Variants in XKR9 observed in about 807,000 individuals in gnomAD.
The protein encoded by XKR9 is XK-related protein 9.
XKR9 carries 32 observed loss-of-function variants against 32.0 expected under a neutral mutation model. The observed-to-expected ratio is 1.00, with a 90% CI of 0.76 to 1.34. The LOEUF (loss-of-function observed/expected upper bound fraction) is 1.34. Ranked by LOEUF, XKR9 falls within the 40% of genes most tolerant of loss-of-function variation. The pLI is 0.00. For synonymous variants in XKR9, 168 were observed against 143.4 expected, an observed-to-expected ratio of 1.17 and a Z score of -1.22; for missense variants, 546 against 429.7, an observed-to-expected ratio of 1.27 and a Z score of -2.39.
intron 3 of XKR9, among the ~76,000 whole-genome samples, chr8:70,706,644 G>A (rs985379784): frequency 2.9e-4 from 44 of 152,140 alleles, no homozygotes; most frequent in Middle Eastern, 3.4e-3. Context: ...TCTGTGAAAT[G>A]GAATAATGTC....
At chr8:71,029,988 T>G in the XKR9 span, among the ~76,000 whole-genome samples, 1 of 151,950 alleles carries the variant, frequency 6.6e-6, no homozygotes, top group Non-Finnish European at 1.5e-5. Flanking sequence ...AGGCTACGAT[T>G]AACTCTTCTT....
At chr8:70,736,849 C>A (rs1369301313), downstream of XKR9, among the ~76,000 whole-genome samples, 1 of 151,428 alleles carries the variant, frequency 6.6e-6, no homozygotes, top group African/African-American at 2.4e-5. Context: ...GTACCAGTAC[C>A]ATGCTGTTTT....
At chr8:70,936,431 G>T in the XKR9 span, among the ~76,000 whole-genome samples, 1 of 151,924 alleles carries the variant, frequency 6.6e-6, no homozygotes, top group Non-Finnish European at 1.5e-5. Flanking sequence ...AATCATGTCT[G>T]GGATGATTTT....
At chr8:70,908,421 G>A in the XKR9 span, among the ~76,000 whole-genome samples, 1 of 152,080 alleles carries the variant, frequency 6.6e-6, no homozygotes, top group African/African-American at 2.4e-5. Flanking sequence ...TACATAAGAA[G>A]CTCACCAGGG....
At chr8:70,801,618 A>T in the XKR9 span, among the ~76,000 whole-genome samples, 1 of 152,112 alleles carries the variant, frequency 6.6e-6, no homozygotes, top group African/African-American at 2.4e-5. Context: ...CCATATGCAG[A>T]TGAGAAGAAT....
intron 4 of XKR9, among the ~76,000 whole-genome samples, chr8:70,711,212 T>A (rs1275361997): frequency 6.6e-6 from 1 of 152,186 alleles, no homozygotes; most frequent in African/African-American, 2.4e-5. Flanking sequence ...TGGAAAGCAG[T>A]TTAGAGATTT....
At chr8:70,757,138 A>G (rs1455051175) in intron 2 of XKR9, among the ~76,000 whole-genome samples, 1 of 152,004 alleles carries the variant, frequency 6.6e-6, no homozygotes, top group Non-Finnish European at 1.5e-5. Flanking sequence ...TATATGACCT[A>G]TTACATTATT....
the XKR9 span, among the ~76,000 whole-genome samples, chr8:71,036,994 A>T: frequency 1.3e-5 from 2 of 151,596 alleles, no homozygotes; most frequent in Non-Finnish European, 2.9e-5. Flanking sequence ...GATTCTAGGC[A>T]TGAGCCACCA....
At chr8:71,009,582 T>C in the XKR9 span, among the ~76,000 whole-genome samples, 1 of 152,196 alleles carries the variant, frequency 6.6e-6, no homozygotes, top group Non-Finnish European at 1.5e-5. Context: ...CAAATTAATA[T>C]GAGTGTGCCT....
At chr8:70,763,973 G>A (rs896623971) in intron 2 of XKR9, among the ~76,000 whole-genome samples, 4 of 152,214 alleles carry the variant, frequency 2.6e-5, no homozygotes, top group Non-Finnish European at 5.9e-5. Context: ...TCCAACCTGT[G>A]TGACATGGAT....
chr8:70,968,343 T>C, the XKR9 span, among the ~76,000 whole-genome samples: 1 of 152,172 alleles, frequency 6.6e-6, no homozygotes, highest in Non-Finnish European at 1.5e-5. Context: ...CCTGTATTAT[T>C]TTATTGTGAT....
chr8:70,827,190 G>T, the XKR9 span, among the ~76,000 whole-genome samples: 2 of 152,052 alleles, frequency 1.3e-5, no homozygotes, highest in East Asian at 1.9e-4. Context: ...TATATATATA[G>T]TGTTATATGT....
chr8:70,851,721 G>A, the XKR9 span, among the ~76,000 whole-genome samples: 120 of 152,288 alleles, frequency 7.9e-4, no homozygotes, highest in Non-Finnish European at 1.4e-3. Context: ...GGGAAAACTG[G>A]CTAGCCATAT....
the XKR9 span, among the ~76,000 whole-genome samples, chr8:70,866,074 C>T: frequency 6.6e-6 from 1 of 152,226 alleles, no homozygotes; most frequent in Non-Finnish European, 1.5e-5. Flanking sequence ...AAGCCCCCTT[C>T]ATAATAATAA....
chr8:70,682,366 T>C (rs977140601), intron 3 of XKR9, among the ~76,000 whole-genome samples: 1 of 152,192 alleles, frequency 6.6e-6, no homozygotes. Flanking sequence ...TTTAGAAATA[T>C]GGTAAATTCT....
the XKR9 span, among the ~76,000 whole-genome samples, chr8:70,969,500 G>A: frequency 7.9e-5 from 12 of 152,280 alleles, 1 homozygote; most frequent in East Asian, 2.3e-3. Flanking sequence ...TCTCCTTTGG[G>A]TATCCTGAAT....
chr8:70,979,605 T>A, the XKR9 span, among the ~76,000 whole-genome samples: 36 of 152,336 alleles, frequency 2.4e-4, no homozygotes, highest in Middle Eastern at 3.4e-3. Context: ...CAGCAAATAT[T>A]GTGCCTGATC....
At chr8:70,920,829 T>G in the XKR9 span, among the ~76,000 whole-genome samples, 1 of 152,196 alleles carries the variant, frequency 6.6e-6, no homozygotes, top group Admixed American at 6.5e-5. Context: ...TATGAGGAGA[T>G]CCTTTTTCTT....
the XKR9 span, among the ~76,000 whole-genome samples, chr8:70,883,336 C>T: frequency 1.3e-5 from 2 of 152,058 alleles, no homozygotes; most frequent in Admixed American, 1.3e-4. Flanking sequence ...AGTAGTATTC[C>T]TTGGTGTATA....
Sources: allele counts gnomAD v4.1 joint callset (sites outside exome capture counted in the v4.1 genomes callset), GRCh38; gene constraint gnomAD v4.1.1; transcripts MANE v1.5; gene names NCBI Gene and HGNC (gene_info 2026-07-23, HGNC 2026-07-21).